NLGN1: variants seen among roughly 807,000 people sequenced by gnomAD.
NLGN1 encodes the protein neuroligin-1.
A neutral mutation model predicts 65.5 loss-of-function variants in NLGN1; 12 were observed. That is an observed-to-expected ratio of 0.18 (90% CI 0.12 to 0.30). The LOEUF (loss-of-function observed/expected upper bound fraction) is 0.30. Ranked by LOEUF, NLGN1 falls within the 10% of genes least tolerant of loss-of-function variation. NLGN1 has a pLI of 1.00. For missense variants in NLGN1, 750 were observed against 1,007.1 expected (o/e 0.74, Z 3.46); for synonymous variants, 350 against 359.5 (o/e 0.97, Z 0.30).
At chr3:174,193,511 A>C (rs1383060533) in intron 4 of NLGN1, among the ~76,000 whole-genome samples, 6 of 152,176 alleles carry the variant, frequency 3.9e-5, no homozygotes, top group South Asian at 2.1e-4. Flanking sequence ...CAAAGGAAAC[A>C]GTTTTGTCAG....
At chr3:173,778,677 G>C (rs1483301729) in intron 3 of NLGN1, among the ~76,000 whole-genome samples, 1 of 151,640 alleles carries the variant, frequency 6.6e-6, no homozygotes, top group Admixed American at 6.6e-5. Flanking sequence ...ATGGATTTTG[G>C]CTCTCAGTCT....
chr3:174,109,301 A>T (rs978397824), intron 4 of NLGN1, among the ~76,000 whole-genome samples: 6 of 152,006 alleles, frequency 3.9e-5, no homozygotes, highest in Middle Eastern at 3.4e-3. Flanking sequence ...TTTTAAAAAT[A>T]TTTTCCCTCA....
intron 4 of NLGN1, among the ~76,000 whole-genome samples, chr3:173,815,739 C>G (rs1265450436): frequency 6.6e-6 from 1 of 152,146 alleles, no homozygotes; most frequent in African/African-American, 2.4e-5. Flanking sequence ...CAAATGCCAT[C>G]TCTATGGAAG....
intron 4 of NLGN1, among the ~76,000 whole-genome samples, chr3:174,115,648 G>A (rs1219478842): frequency 6.6e-6 from 1 of 152,282 alleles, no homozygotes; most frequent in Non-Finnish European, 1.5e-5. Flanking sequence ...GGTGACAAGG[G>A]AGAGCGTGTT....
At chr3:173,439,661 G>T (rs1560254151) in intron 2 of NLGN1, among the ~76,000 whole-genome samples, 1 of 151,568 alleles carries the variant, frequency 6.6e-6, no homozygotes, top group African/African-American at 2.4e-5. Context: ...GCATATAAAA[G>T]TTATGTTTAC....
chr3:173,634,943 C>T (rs144404853), intron 3 of NLGN1, among the ~76,000 whole-genome samples: 2,864 of 152,130 alleles, frequency 0.019, 42 homozygotes, highest in Non-Finnish European at 0.03. Flanking sequence ...GGGGAGAGCG[C>T]CCTTCTCCAC....
At chr3:174,153,516 C>G (rs1374575973) in intron 4 of NLGN1, among the ~76,000 whole-genome samples, 1 of 152,092 alleles carries the variant, frequency 6.6e-6, no homozygotes, top group Non-Finnish European at 1.5e-5. Flanking sequence ...AACATCAACC[C>G]TACAACTTAA....
At chr3:173,461,439 G>T (rs1233949161) in intron 2 of NLGN1, among the ~76,000 whole-genome samples, 1 of 151,956 alleles carries the variant, frequency 6.6e-6, no homozygotes, top group Non-Finnish European at 1.5e-5. Flanking sequence ...TCAAATGGGG[G>T]AAAGATTCTA....
At chr3:174,048,047 G>A (rs1019173248) in intron 4 of NLGN1, among the ~76,000 whole-genome samples, 8 of 152,052 alleles carry the variant, frequency 5.3e-5, no homozygotes, top group African/African-American at 1.9e-4. Flanking sequence ...TCTAAATAGA[G>A]CAGTTGCACA....
At chr3:173,889,156 G>A (rs75662923) in intron 4 of NLGN1, among the ~76,000 whole-genome samples, 166 of 152,204 alleles carry the variant, frequency 1.1e-3, no homozygotes, top group African/African-American at 3.9e-3. Flanking sequence ...AGTCATAATT[G>A]TTCAGCATGA....
At chr3:173,790,369 C>T (rs1218066976) in intron 3 of NLGN1, among the ~76,000 whole-genome samples, 1 of 152,096 alleles carries the variant, frequency 6.6e-6, no homozygotes, top group Non-Finnish European at 1.5e-5. Context: ...GGATATTGGA[C>T]AAATTTATCA....
At chr3:174,225,214 T>G (rs977318588) in intron 4 of NLGN1, among the ~76,000 whole-genome samples, 1 of 152,134 alleles carries the variant, frequency 6.6e-6, no homozygotes, top group African/African-American at 2.4e-5. Flanking sequence ...ATATGGCCAC[T>G]TTCTTCAGAC....
intron 2 of NLGN1, among the ~76,000 whole-genome samples, chr3:173,463,543 T>C (rs892348556): frequency 3.9e-5 from 6 of 152,208 alleles, no homozygotes; most frequent in Admixed American, 2.6e-4. Flanking sequence ...TTAATACTGT[T>C]ATTGTCATTA....
At chr3:173,782,344 G>A (rs552213271) in intron 3 of NLGN1, among the ~76,000 whole-genome samples, 8 of 152,162 alleles carry the variant, frequency 5.3e-5, no homozygotes, top group East Asian at 1.9e-4. Flanking sequence ...TAAAGGCGCG[G>A]GTAATGTAAA....
chr3:173,403,515 G>A (rs989848213), intron 1 of NLGN1, among the ~76,000 whole-genome samples: 2 of 151,980 alleles, frequency 1.3e-5, no homozygotes, highest in African/African-American at 2.4e-5. Context: ...TTCTGATAAC[G>A]GTTTATTTAC....
At chr3:174,200,518 G>A (rs1734241617) in intron 4 of NLGN1, among the ~76,000 whole-genome samples, 1 of 152,154 alleles carries the variant, frequency 6.6e-6, no homozygotes, top group Admixed American at 6.5e-5. Context: ...GACACAGATT[G>A]TTCACTGGAG....
At chr3:173,455,317 C>T (rs925451311) in intron 2 of NLGN1, among the ~76,000 whole-genome samples, 1 of 152,032 alleles carries the variant, frequency 6.6e-6, no homozygotes, top group Non-Finnish European at 1.5e-5. Flanking sequence ...CGTGAAATCT[C>T]ATGTGAAAGA....
At chr3:173,733,214 A>G (rs530028865) in intron 3 of NLGN1, among the ~76,000 whole-genome samples, 121 of 152,238 alleles carry the variant, frequency 7.9e-4, no homozygotes, top group African/African-American at 2.7e-3. Flanking sequence ...GGAAGATCCA[A>G]TTTGAACCAG....
intron 3 of NLGN1, among the ~76,000 whole-genome samples, chr3:173,675,126 T>G (rs1443031657): frequency 6.6e-6 from 1 of 152,020 alleles, no homozygotes; most frequent in Non-Finnish European, 1.5e-5. Flanking sequence ...GAGCATGAAA[T>G]TTTGGACATA....
Sources: gnomAD v4.1 joint callset for allele counts (sites outside exome capture counted in the v4.1 genomes callset) on GRCh38, gnomAD v4.1.1 for gene constraint, MANE v1.5 for transcripts, NCBI Gene and HGNC (gene_info 2026-07-23, HGNC 2026-07-21) for gene names.